The following BTBD9 variants were observed in gnomAD, a reference collection of about 807,000 sequenced individuals.
The protein encoded by BTBD9 is BTB/POZ domain-containing protein 9.
In BTBD9, 49 loss-of-function variants were observed where a neutral mutation model predicts 64.3. The observed-to-expected ratio is 0.76, with a 90% confidence interval of 0.61 to 0.97. The LOEUF (loss-of-function observed/expected upper bound fraction) is 0.97. Among genes scored for constraint, BTBD9 ranks in the 50% least tolerant of loss-of-function variants. BTBD9 has a pLI of 0.00. For synonymous variants in BTBD9, 260 were observed against 274.7 expected (o/e 0.95, Z 0.53); for missense variants, 598 against 762.1 (o/e 0.78, Z 2.53).
chr6:38,204,245 C>T (rs1290408380), intron 9 of BTBD9, among the ~76,000 whole-genome samples: 2 of 149,552 alleles, frequency 1.3e-5, no homozygotes, highest in African/African-American at 2.4e-5. Context: ...AAAATGAAAA[C>T]ACATGTCCAC....
intron 8 of BTBD9, among the ~76,000 whole-genome samples, chr6:38,279,981 T>C (rs548918572): frequency 4.0e-4 from 61 of 152,310 alleles, no homozygotes; most frequent in African/African-American, 1.4e-3. Flanking sequence ...ACATGTGAGG[T>C]AAATCACACA....
In BTBD9 at chr6:38,311,063, G is replaced by A. The variant is rs191836524; in HGVS notation, c.1265-22602C>T. ...TGACCTCAGGTGATCTGACTGCCTC[G>A]GCCTCCCAAAGTGCTGGGATTACAG... On this transcript the variant is annotated intron_variant, in intron 7 of 10. Transcript: ENST00000481247. Among the ~76,000 whole-genome samples the A allele has an allele frequency of 1.9e-3, 285 of 152,228 alleles. 4 individuals carry two copies. The highest frequency in any genetic ancestry group is 0.017 in the Admixed American group (255 of 15,284).
intron 6 of BTBD9, among the ~76,000 whole-genome samples, chr6:38,454,451 C>A (rs1769699745): frequency 7.6e-6 from 1 of 132,098 alleles, no homozygotes; most frequent in Admixed American, 8.1e-5. Context: ...TAAATATTGG[C>A]CCTATATTTA....
At chr6:38,586,361 C>T (rs374424965) in intron 4 of BTBD9, among the ~76,000 whole-genome samples, 2 of 151,678 alleles carry the variant, frequency 1.3e-5, no homozygotes, top group South Asian at 4.2e-4. Context: ...TCTAAACTAC[C>T]TTCCAGAAAG....
intron 4 of BTBD9, among the ~76,000 whole-genome samples, chr6:38,589,920 T>C (rs571263642): frequency 1.3e-5 from 2 of 152,182 alleles, no homozygotes; most frequent in African/African-American, 4.8e-5. Flanking sequence ...CCCCTGGCAA[T>C]AGGTTTTCTC....
chr6:38,622,437 C>T (rs930549860), intron 1 of BTBD9, among the ~76,000 whole-genome samples: 6 of 152,162 alleles, frequency 3.9e-5, no homozygotes, highest in African/African-American at 1.2e-4. Context: ...AAGTGACAAT[C>T]GTCCAGCTTT....
intron 6 of BTBD9, among the ~76,000 whole-genome samples, chr6:38,533,394 G>T (rs1773881661): frequency 6.6e-6 from 1 of 152,068 alleles, no homozygotes; most frequent in Admixed American, 6.5e-5. Flanking sequence ...CCCAACACTG[G>T]AGCACTCAGA....
intron 6 of BTBD9, among the ~76,000 whole-genome samples, chr6:38,363,158 A>G (rs1245317893): frequency 6.6e-6 from 1 of 152,178 alleles, no homozygotes; most frequent in Non-Finnish European, 1.5e-5. Flanking sequence ...GTGTGATCAT[A>G]GCTCAGCGCC....
chr6:38,487,390 G>A (rs968415575), intron 6 of BTBD9, among the ~76,000 whole-genome samples: 5 of 152,100 alleles, frequency 3.3e-5, no homozygotes, highest in Non-Finnish European at 7.4e-5. Flanking sequence ...AGACAAGCTT[G>A]AGCAATGTGG....
chr6:38,204,711 A>C (rs1213827657), intron 9 of BTBD9, among the ~76,000 whole-genome samples: 1 of 152,200 alleles, frequency 6.6e-6, no homozygotes, highest in Non-Finnish European at 1.5e-5. Context: ...TATGAATTGT[A>C]TCTCAATAAA....
chr6:38,341,895 G>A lies in BTBD9; in HGVS notation c.1264+3089C>T, dbSNP rs1321924611. ...CCAGCTCTGGGCAATGTGGTTGAGC[G>A]AGGGCCTCTTCTCGTGGCTATATGA... On this transcript the variant is annotated intron_variant, in intron 7 of 10. Transcript: ENST00000481247. 2.6e-5 allele frequency among the ~76,000 whole-genome samples: 4 copies of A among 152,194 alleles called. 1 individual carries two copies. Among genetic ancestry groups the A allele is most frequent in the South Asian group, 4.1e-4 (2 of 4,830 alleles).
chr6:38,424,579 T>C (rs1425664011), intron 6 of BTBD9, among the ~76,000 whole-genome samples: 6 of 151,752 alleles, frequency 4.0e-5, no homozygotes, highest in African/African-American at 1.5e-4. Flanking sequence ...TGCAGTGGCA[T>C]GATCTCGACT....
At chr6:38,333,267 A>AC (rs1763748027) in intron 7 of BTBD9, among the ~76,000 whole-genome samples, 1 of 152,128 alleles carries the variant, frequency 6.6e-6, no homozygotes, top group South Asian at 2.1e-4. Context: ...AGATAGGGCC[A>AC]CCCATAGGTC....
intron 7 of BTBD9, among the ~76,000 whole-genome samples, chr6:38,305,582 A>C (rs1202486622): frequency 6.6e-6 from 1 of 152,172 alleles, no homozygotes; most frequent in Non-Finnish European, 1.5e-5. Flanking sequence ...TCTCAGTTTC[A>C]AGCAATTCTC....
chr6:38,389,953 AG>A (rs1486893573), intron 6 of BTBD9, among the ~76,000 whole-genome samples: 1 of 152,218 alleles, frequency 6.6e-6, no homozygotes, highest in Non-Finnish European at 1.5e-5. Flanking sequence ...CTCTCCGTAG[AG>A]TCCCACATAC....
intron 6 of BTBD9, among the ~76,000 whole-genome samples, chr6:38,546,121 T>G (rs1286653477): frequency 6.6e-6 from 1 of 152,178 alleles, no homozygotes; most frequent in Non-Finnish European, 1.5e-5. Flanking sequence ...AAAAGGGATG[T>G]AGGATGACAC....
At chr6:38,375,276 T>C (rs1306895116) in intron 6 of BTBD9, among the ~76,000 whole-genome samples, 3 of 152,350 alleles carry the variant, frequency 2.0e-5, no homozygotes, top group East Asian at 3.9e-4. Context: ...CTAAATTGCT[T>C]GTATCTTGCT....
At position 38,282,404 on chromosome 6, in the gene BTBD9, G is replaced by A. The variant is rs563373044; in HGVS notation, c.1454+5868C>T. On this transcript the variant is annotated intron_variant, in intron 8 of 10. Transcript: ENST00000481247. ...AGAAAGAAATGCAAGAGACGAAAGAGCTTCCTGTTAAATGGTAAGTTAGGA... is the reference window on the plus strand; with the variant it reads ...AGAAAGAAATGCAAGAGACGAAAGAACTTCCTGTTAAATGGTAAGTTAGGA... 1.2e-4 allele frequency among the ~76,000 whole-genome samples: 18 copies of A among 152,304 alleles called. No homozygotes were observed. In the East Asian group the frequency reaches 2.7e-3, roughly 23 times the overall value.
chr6:38,635,025 G>C (rs367777105), intron 1 of BTBD9, among the ~76,000 whole-genome samples: 1 of 152,206 alleles, frequency 6.6e-6, no homozygotes. Context: ...GCATCACCTG[G>C]GAACTTGTTC....
Sources: allele counts gnomAD v4.1 joint callset (sites outside exome capture counted in the v4.1 genomes callset), GRCh38; gene constraint gnomAD v4.1.1; transcripts MANE v1.5; gene names NCBI Gene and HGNC (gene_info 2026-07-23, HGNC 2026-07-21).